The following EVL variants were observed in gnomAD, a reference collection of about 807,000 sequenced individuals.
EVL encodes ena/VASP-like protein.
Under a neutral mutation model 59.6 loss-of-function variants are expected in EVL, and 21 were observed. That is an observed-to-expected ratio of 0.35 (90% CI 0.25 to 0.51). The LOEUF is 0.51. Ranked by LOEUF, EVL falls within the 20% of genes least tolerant of loss-of-function variation. EVL has a pLI of 0.97. For missense variants in EVL, 462 were observed against 546.6 expected, an observed-to-expected ratio of 0.85 and a Z score of 1.54; for synonymous variants, 198 against 203.5, an observed-to-expected ratio of 0.97 and a Z score of 0.23.
At chr14:100,000,299 G>A (rs2060937731) in intron 1 of EVL, among the ~76,000 whole-genome samples, 1 of 151,202 alleles carries the variant, frequency 6.6e-6, no homozygotes, top group Non-Finnish European at 1.5e-5. Context: ...CAAGGATGGA[G>A]CTTCCAGGTC....
chr14:100,002,789 G>A (rs1315850049), intron 1 of EVL, among the ~76,000 whole-genome samples: 2 of 152,170 alleles, frequency 1.3e-5, no homozygotes, highest in Non-Finnish European at 2.9e-5. Flanking sequence ...TTTAACTAAA[G>A]TGATAACTCA....
chr14:100,082,141 A>C (rs1595147934), intron 1 of EVL, among the ~76,000 whole-genome samples: 1 of 152,060 alleles, frequency 6.6e-6, no homozygotes, highest in South Asian at 2.1e-4. Flanking sequence ...TAAATAAATA[A>C]AAATTTAAAA....
At chr14:100,136,854 A>G (rs72711958) in intron 9 of EVL, among the ~76,000 whole-genome samples, 2,221 of 152,218 alleles carry the variant, frequency 0.015, 25 homozygotes, top group Non-Finnish European at 0.023. Context: ...CTGTGTGCAA[A>G]GTGGTTTGCT....
Position 100,143,780 on chromosome 14 carries a change from G to A in EVL, c.*42G>A, listed in dbSNP as rs11541585. On this transcript the variant is annotated 3_prime_UTR_variant, in exon 14 of 14. Coordinates refer to ENST00000392920, the MANE Select transcript of EVL (RefSeq NM_016337.3). The stretch of plus-strand genomic sequence containing the variant: ...CGCTGATTCGTCGAGCCCATCCGGC[G>A]ACAGAGGACAGCCAGAAGCCCAGCC... 4.8e-5 allele frequency: 77 copies of A among 1,600,934 alleles called. No individual in the cohort carries two copies. The Middle Eastern group carries it at 4.9e-4, about 10-fold the overall frequency.
chr14:100,102,564 C>T (rs11844294), intron 3 of EVL: 81 of 350,796 alleles, frequency 2.3e-4, no homozygotes, highest in African/African-American at 1.6e-3. Flanking sequence ...GATTCCTTGG[C>T]TCTTCCTCGT....
At chr14:100,065,768 G>A (rs538997099) in intron 1 of EVL, among the ~76,000 whole-genome samples, 2 of 152,222 alleles carry the variant, frequency 1.3e-5, no homozygotes, top group African/African-American at 4.8e-5. Context: ...CTGAGTCAAG[G>A]ACTTACTTAG....
At chr14:100,116,799 A>G (rs901873307) in intron 3 of EVL, among the ~76,000 whole-genome samples, 3 of 152,232 alleles carry the variant, frequency 2.0e-5, no homozygotes, top group Admixed American at 1.3e-4. Flanking sequence ...AGCCACTGTG[A>G]ACATTTTAGT....
intron 1 of EVL, among the ~76,000 whole-genome samples, chr14:99,987,404 G>A (rs1245900453): frequency 2.0e-5 from 3 of 152,184 alleles, no homozygotes; most frequent in Admixed American, 1.3e-4. Flanking sequence ...CACTTTGGGA[G>A]GCCAAGGCAG....
At chr14:100,013,945 A>G (rs1282023739) in intron 1 of EVL, among the ~76,000 whole-genome samples, 2 of 152,242 alleles carry the variant, frequency 1.3e-5, no homozygotes, top group Admixed American at 6.5e-5. Context: ...ATATTTTGAT[A>G]TAGGCAGATA....
At chr14:100,119,400 G>A (rs1480014379) in intron 3 of EVL, among the ~76,000 whole-genome samples, 1 of 152,168 alleles carries the variant, frequency 6.6e-6, no homozygotes, top group Non-Finnish European at 1.5e-5. Context: ...TGGGGCCAGC[G>A]TCACAAACCC....
chr14:100,019,065 G>A (rs2061077315), intron 1 of EVL, among the ~76,000 whole-genome samples: 1 of 152,340 alleles, frequency 6.6e-6, no homozygotes, highest in South Asian at 2.1e-4. Context: ...AATGCGACTT[G>A]TGATTCTGAA....
intron 5 of EVL, among the ~76,000 whole-genome samples, 159 bp downstream of exon 5, chr14:100,126,930 A>G (rs1185996989): frequency 6.6e-6 from 1 of 152,192 alleles, no homozygotes; most frequent in East Asian, 1.9e-4. Context: ...GAGGGTAGCA[A>G]GAGAGCAGAG....
intron 1 of EVL, among the ~76,000 whole-genome samples, chr14:100,082,978 C>G (rs1398090418): frequency 6.6e-6 from 1 of 152,202 alleles, no homozygotes; most frequent in East Asian, 1.9e-4. Flanking sequence ...TGCAGGGGAA[C>G]TGAAGGGCGT....
At position 100,144,173 on chromosome 14, in the gene EVL, G is replaced by A; in HGVS notation, c.*435G>A. 5.1e-6 allele frequency: 1 copy of A among 195,204 alleles called. No homozygotes were observed. The highest frequency in any genetic ancestry group is 1.1e-5 in the Non-Finnish European group (1 of 94,350). The allele number at this position is 195,204 out of a possible 1,614,324, so 12.1% of individuals were successfully genotyped here. On this transcript the variant is annotated 3_prime_UTR_variant, in exon 14 of 14. Coordinates refer to ENST00000392920, the MANE Select transcript of EVL (RefSeq NM_016337.3). ...CTCCGTCCCCAGCGCTCATGGTGTT[G>A]AAACTGTCTGTCATGCACCACGGTG...
Position 100,143,772 on chromosome 14 carries a change from C to T in EVL, c.*34C>T, listed in dbSNP as rs778556560. On this transcript the variant is annotated 3_prime_UTR_variant, in exon 14 of 14. Coordinates refer to ENST00000392920, the MANE Select transcript of EVL (RefSeq NM_016337.3). ...CCTCGCTGCGCTGATTCGTCGAGCCCATCCGGCGACAGAGGACAGCCAGAA... is the reference window on the plus strand; with the variant it reads ...CCTCGCTGCGCTGATTCGTCGAGCCTATCCGGCGACAGAGGACAGCCAGAA... 28 of 1,604,674 alleles carry T rather than the reference C, an allele frequency of 1.7e-5. No individual in the cohort carries two copies. In the South Asian group the frequency reaches 3.1e-4, roughly 18 times the overall value.
chr14:100,012,024 A>G (rs1026200831), intron 1 of EVL, among the ~76,000 whole-genome samples: 2 of 152,200 alleles, frequency 1.3e-5, no homozygotes, highest in African/African-American at 4.8e-5. Flanking sequence ...TGTTTTGCCA[A>G]AGGACACTCA....
At chr14:100,003,718 C>T (rs892466134) in intron 1 of EVL, among the ~76,000 whole-genome samples, 3 of 152,062 alleles carry the variant, frequency 2.0e-5, no homozygotes, top group Admixed American at 6.5e-5. Context: ...CACACCTGGC[C>T]GATAACCTTA....
intron 1 of EVL, among the ~76,000 whole-genome samples, chr14:100,047,116 C>CTTTTT (rs1158933445): frequency 7.0e-5 from 2 of 28,458 alleles, no homozygotes; most frequent in East Asian, 5.4e-4. Context: ...AGATCTCTCT[C>CTTTTT]TCTTTTTTTT....
intron 1 of EVL, among the ~76,000 whole-genome samples, chr14:100,026,040 C>T (rs952113607): frequency 2.0e-5 from 3 of 152,030 alleles, no homozygotes; most frequent in Non-Finnish European, 2.9e-5. Flanking sequence ...TGCTTGAGCC[C>T]AGGAGCCCCA....
Sources: allele counts gnomAD v4.1 joint callset (sites outside exome capture counted in the v4.1 genomes callset), GRCh38; gene constraint gnomAD v4.1.1; transcripts MANE v1.5; gene names NCBI Gene and HGNC (gene_info 2026-07-23, HGNC 2026-07-21).